Variants in MTCL1 observed in about 807,000 individuals in gnomAD.
MTCL1 encodes the protein microtubule crosslinking factor 1, also known as microtubule cross-linking factor 1.
In MTCL1, 79 loss-of-function variants were observed where a neutral mutation model predicts 141.4. The ratio of observed to expected loss-of-function variants is 0.56; its 90% CI spans 0.47 to 0.67. MTCL1 has a LOEUF of 0.67. MTCL1 is among the 30% of genes least tolerant of loss of function. The pLI, the probability that MTCL1 is intolerant of heterozygous loss-of-function variation, is 0.00. For synonymous variants in MTCL1, 914 were observed against 875.8 expected (o/e 1.04, Z -0.77); for missense variants, 2,177 against 2,113.9 (o/e 1.03, Z -0.59).
At chr18:8,784,943 T>G (rs1163162149) in intron 6 of MTCL1, 100 bp downstream of exon 5, 1 of 1,125,614 alleles carries the variant, frequency 8.9e-7, no homozygotes, top group African/African-American at 1.6e-5. Flanking sequence ...GGCTGCTTGG[T>G]TATGATTTCA....
rs114693547 is a variant in MTCL1 at position 8,788,482 on chromosome 18, T to C, written c.1887+2391T>C. On this transcript the variant is annotated intron_variant, in intron 7 of 16. Coordinates refer to ENST00000359865, the Ensembl canonical transcript of MTCL1. Reference sequence around the variant, plus strand: ...CAAAATGCCTCTGTGTCTTCTGCCTTATGGATTTTTATATTTGAGGAAAGA... The same window carrying C: ...CAAAATGCCTCTGTGTCTTCTGCCTCATGGATTTTTATATTTGAGGAAAGA... 7.5e-3 allele frequency among the ~76,000 whole-genome samples: 1,135 copies of C among 152,286 alleles called. 15 individuals carry two copies. The highest frequency in any genetic ancestry group is 0.026 in the African/African-American group (1,073 of 41,546).
chr18:8,737,083 T>A (rs1273684197), intron 4 of MTCL1, among the ~76,000 whole-genome samples: 1 of 152,220 alleles, frequency 6.6e-6, no homozygotes, highest in Non-Finnish European at 1.5e-5. Flanking sequence ...AGACACCTTT[T>A]TGCAGTGTTC....
exon 15 of MTCL1, chr18:8,825,788 C>T (rs766380770): frequency 1.9e-6 from 3 of 1,614,154 alleles, no homozygotes; most frequent in East Asian, 4.5e-5. Flanking sequence ...CCTGGGCCCG[C>T]TCCACCACCA....
At chr18:8,731,302 G>A (rs1354808141) in intron 4 of MTCL1, among the ~76,000 whole-genome samples, 5 of 151,992 alleles carry the variant, frequency 3.3e-5, no homozygotes, top group East Asian at 1.9e-4. Flanking sequence ...GGCTGGGCAC[G>A]ATGGTTCATG....
chr18:8,727,852 TTCTC>T (rs71297365), intron 4 of MTCL1, among the ~76,000 whole-genome samples: 1,578 of 135,420 alleles, frequency 0.012, 27 homozygotes, highest in African/African-American at 0.044. Flanking sequence ...TGCTTGCTCC[TTCTC>T]TCTCTCTCTC....
chr18:8,805,567 A>G (rs16954231), intron 10 of MTCL1, among the ~76,000 whole-genome samples: 2,760 of 152,292 alleles, frequency 0.018, 95 homozygotes, highest in African/African-American at 0.063. Context: ...ATTTAGAAGC[A>G]TGACTGTGGA....
At chr18:8,795,621 G>A (rs990228099) in intron 8 of MTCL1, among the ~76,000 whole-genome samples, 1 of 152,156 alleles carries the variant, frequency 6.6e-6, no homozygotes, top group Non-Finnish European at 1.5e-5. Context: ...ACATCTAATA[G>A]GAATGTCAAG....
At chr18:8,781,172 T>G in intron 5 of MTCL1, among the ~76,000 whole-genome samples, 1 of 82,864 alleles carries the variant, frequency 1.2e-5, no homozygotes, top group Non-Finnish European at 2.1e-5. Context: ...AGAGCAAGAC[T>G]CCATCTCAAA....
chr18:8,731,128 A>C (rs944177536), intron 4 of MTCL1, among the ~76,000 whole-genome samples: 8 of 151,938 alleles, frequency 5.3e-5, no homozygotes, highest in Non-Finnish European at 7.4e-5. Flanking sequence ...GCCTGTAGTC[A>C]TAGCTACTCG....
At chr18:8,772,800 A>C (rs921665572) in intron 4 of MTCL1, among the ~76,000 whole-genome samples, 4 of 152,072 alleles carry the variant, frequency 2.6e-5, no homozygotes, top group African/African-American at 9.7e-5. Context: ...AATAGTCTTC[A>C]AAAGCATGAC....
At chr18:8,809,375 C>T (rs764834358) in intron 11 of MTCL1, 31 of 1,502,412 alleles carry the variant, frequency 2.1e-5, no homozygotes, top group East Asian at 1.5e-4. Context: ...ACAGAAATCA[C>T]GGATCTTTTT....
chr18:8,773,787 TC>T (rs2096494189), intron 4 of MTCL1, among the ~76,000 whole-genome samples: 1 of 152,254 alleles, frequency 6.6e-6, no homozygotes, highest in Non-Finnish European at 1.5e-5. Flanking sequence ...GTTCATCCTT[TC>T]CTCACTAGTT....
intron 15 of MTCL1, among the ~76,000 whole-genome samples, chr18:8,826,440 A>C (rs1300313499): frequency 6.6e-6 from 1 of 152,158 alleles, no homozygotes; most frequent in African/African-American, 2.4e-5. Flanking sequence ...ATGTTATTTT[A>C]TTGTCCTTGG....
Position 8,825,065 on chromosome 18 carries a change from C to G in MTCL1, c.3555C>G (p.Thr1185=), listed in dbSNP as rs147180038. ...AGCCACTGCGGAGCCACGTCCTCACCGAGCAGTCGGGGTTGCGCGTGTTAC... is the reference window on the plus strand; with the variant it reads ...AGCCACTGCGGAGCCACGTCCTCACGGAGCAGTCGGGGTTGCGCGTGTTAC... Residue 1185 remains threonine, a synonymous_variant, in exon 15 of 17, where the codon ACC becomes ACG. Transcript: ENST00000359865. The G allele has an allele frequency of 1.2e-5, 19 of 1,612,462 alleles. No homozygotes were observed. The African/African-American group carries it at 2.4e-4, about 20-fold the overall frequency.
At chr18:8,766,898 T>C (rs2096462295) in intron 4 of MTCL1, among the ~76,000 whole-genome samples, 1 of 152,194 alleles carries the variant, frequency 6.6e-6, no homozygotes, top group South Asian at 2.1e-4. Context: ...GGGAAGCTTG[T>C]TCATTCCCAG....
chr18:8,773,537 G>T (rs2096493197), intron 4 of MTCL1, among the ~76,000 whole-genome samples: 1 of 151,820 alleles, frequency 6.6e-6, no homozygotes, highest in Non-Finnish European at 1.5e-5. Context: ...GGTTTCTTTT[G>T]ATGTATTCTT....
At chr18:8,715,091 C>A (rs539867997), upstream of MTCL1, among the ~76,000 whole-genome samples, 7 of 152,188 alleles carry the variant, frequency 4.6e-5, no homozygotes, top group Non-Finnish European at 1.0e-4. Context: ...CCACCGCACC[C>A]GGCCCCTAAT....
intron 12 of MTCL1, among the ~76,000 whole-genome samples, chr18:8,814,963 C>T (rs947376552): frequency 1.3e-5 from 2 of 152,166 alleles, no homozygotes; most frequent in Non-Finnish European, 2.9e-5. Context: ...CAGTGACTTA[C>T]AGGAAACAAC....
chr18:8,768,787 CT>C (rs1236491665), intron 4 of MTCL1, among the ~76,000 whole-genome samples: 3,942 of 133,284 alleles, frequency 0.03, 173 homozygotes, highest in African/African-American at 0.11. Context: ...TTCTTTTCTT[CT>C]CTTTTTTTTT....
Sources: gnomAD v4.1 joint callset for allele counts (sites outside exome capture counted in the v4.1 genomes callset) on GRCh38, gnomAD v4.1.1 for gene constraint, MANE v1.5 for transcripts, NCBI Gene and HGNC (gene_info 2026-07-23, HGNC 2026-07-21) for gene names.